Variants in OGFOD3 observed in about 807,000 individuals in gnomAD.
OGFOD3 encodes the protein 2-oxoglutarate and iron-dependent oxygenase domain-containing protein 3.
OGFOD3 carries 35 observed loss-of-function variants against 39.8 expected under a neutral mutation model. The observed-to-expected ratio is 0.88, with a 90% CI of 0.67 to 1.17. OGFOD3 has a LOEUF of 1.17. OGFOD3 is among the 50% of genes most tolerant of loss of function. The pLI is 0.00. For missense variants in OGFOD3, 438 were observed against 454.5 expected (o/e 0.96, Z 0.33); for synonymous variants, 200 against 192.0 (o/e 1.04, Z -0.34).
intron 7 of OGFOD3, among the ~76,000 whole-genome samples, chr17:82,403,241 ACTT>A (rs774776436): frequency 3.3e-5 from 5 of 152,248 alleles, no homozygotes; most frequent in African/African-American, 9.6e-5. Context: ...CGGGTTCTCC[ACTT>A]CTTCTTGTCA....
chr17:82,392,646 C>G lies in OGFOD3; in HGVS notation c.824-112G>C. 7.8e-7 allele frequency: 1 copy of G among 1,287,978 alleles called. No individual in the cohort carries two copies. The highest frequency in any genetic ancestry group is 2.7e-5 in the Admixed American group (1 of 36,760). 79.8% of individuals were successfully genotyped at this position (1,287,978 alleles called of 1,614,324 possible). A position where few individuals can be genotyped will look rare whatever the true frequency, so the allele number is the denominator to read the frequency against. On this transcript the variant is annotated intron_variant, in intron 8 of 8. Transcript: ENST00000313056. The surrounding 1 kb of genome is among the most constrained non-coding windows in gnomAD (Gnocchi z 4.2). ...ACTATAACCAATCAACACAACCAAC[C>G]AGGCAGGCTGGAGAAATTGCCCCTC...
chr17:82,395,689 T>C (rs887227492), intron 8 of OGFOD3, among the ~76,000 whole-genome samples: 4 of 152,206 alleles, frequency 2.6e-5, no homozygotes, highest in East Asian at 1.9e-4. Context: ...GGCGTGGTGG[T>C]AGGCACCTGT....
intron 8 of OGFOD3, among the ~76,000 whole-genome samples, chr17:82,396,389 ACAAT>A (rs1254615662): frequency 6.6e-6 from 1 of 152,158 alleles, no homozygotes; most frequent in African/African-American, 2.4e-5. Context: ...ACAGATACAC[ACAAT>A]CAGACAGATG....
intron 8 of OGFOD3, 94 bp downstream of exon 8, chr17:82,398,102 G>T: frequency 2.0e-6 from 3 of 1,489,394 alleles, no homozygotes; most frequent in South Asian, 1.2e-5. Flanking sequence ...GATGCTCCGT[G>T]AACTCAGCCT....
chr17:82,403,143 G>A (rs1450529595), intron 7 of OGFOD3, among the ~76,000 whole-genome samples: 1 of 152,224 alleles, frequency 6.6e-6, no homozygotes, highest in African/African-American at 2.4e-5. Flanking sequence ...CAGAGAGCAT[G>A]AGTGGCTGAG....
Position 82,392,603 on chromosome 17 carries a change from CG to C in OGFOD3, c.824-70del. 1 of 1,512,846 alleles carries C rather than the reference CG, an allele frequency of 6.6e-7. No individual in the cohort carries two copies. Among genetic ancestry groups the C allele is most frequent in the South Asian group, 1.3e-5 (1 of 79,438 alleles). 93.7% of individuals were successfully genotyped at this position (1,512,846 alleles called of 1,614,324 possible). A position where few individuals can be genotyped will look rare whatever the true frequency, so the allele number is the denominator to read the frequency against. On this transcript the variant is annotated intron_variant, in intron 8 of 8. Transcript: ENST00000313056. The surrounding 1 kb of genome is among the most constrained non-coding windows in gnomAD (Gnocchi z 4.2). ...ACGGCCACAGCCTTCAGAGGGTCTG[CG>C]GTCACCTGAAAGAGCAACTATAACC...
At chr17:82,418,249 T>G (rs984984538) in intron 1 of OGFOD3, 163 bp downstream of exon 1, 92 of 398,440 alleles carry the variant, frequency 2.3e-4, no homozygotes, top group Non-Finnish European at 3.6e-4. Context: ...GCTCCCAGCA[T>G]GGGCTGCGGT....
chr17:82,412,116 A>T (rs2052957599), intron 2 of OGFOD3, among the ~76,000 whole-genome samples: 1 of 148,892 alleles, frequency 6.7e-6, no homozygotes, highest in Admixed American at 6.8e-5. Context: ...GGAGCAGAAA[A>T]CCCTCCTGAG....
intron 7 of OGFOD3, among the ~76,000 whole-genome samples, chr17:82,401,803 CAA>C (rs79956747): frequency 0.35 from 21,625 of 61,230 alleles, 2,736 homozygotes; most frequent in South Asian, 0.44. Context: ...GACTCCATCT[CAA>C]AAAAAAAAAA....
rs2052585464 is a variant in OGFOD3, at chr17:82,390,387, C to G, written c.*2011G>C. On this transcript the variant is annotated 3_prime_UTR_variant, in exon 9 of 9. Coordinates refer to ENST00000313056, the MANE Select transcript of OGFOD3 (RefSeq NM_024648.3). The surrounding 1 kb of genome is among the most constrained non-coding windows in gnomAD (Gnocchi z 4.9). ...GACTTCCCACCCACGATGGGGCCCACCAGCCCGACCCGGAGAGTGTCCGTG... is the reference window on the plus strand; with the variant it reads ...GACTTCCCACCCACGATGGGGCCCAGCAGCCCGACCCGGAGAGTGTCCGTG... 6.6e-6 allele frequency: 1 copy of G among 152,348 alleles called. No homozygotes were observed. The highest frequency in any genetic ancestry group is 2.4e-5 in the African/African-American group (1 of 41,456). 9.4% of individuals were successfully genotyped at this position (152,348 alleles called of 1,614,324 possible).
rs1456117683 is a variant in OGFOD3 at position 82,403,967 on chromosome 17, G to A, written c.669C>T (p.His223=). The change falls in exon 7 of 9, where the codon CAC becomes CAT. Residue 223 remains histidine (H), a synonymous_variant. Coordinates refer to ENST00000313056, the MANE Select transcript of OGFOD3 (RefSeq NM_024648.3). The part of the protein sequence containing the change: ...RINSTEARTA[H]DEYWHAHVDK... ...CCACGTGCGCATGCCAGTACTCGTC[G>A]TGCGCCGTCCGCGCTTCCGTGCTGT... 1.9e-6 allele frequency: 3 copies of A among 1,608,302 alleles called. No homozygotes were observed. Among genetic ancestry groups the A allele is most frequent in the Middle Eastern group, 1.7e-4 (1 of 6,040 alleles).
intron 8 of OGFOD3, among the ~76,000 whole-genome samples, chr17:82,397,537 TGAG>T (rs1280790317): frequency 6.6e-6 from 1 of 152,060 alleles, no homozygotes; most frequent in Non-Finnish European, 1.5e-5. Context: ...GGGCTCCACC[TGAG>T]GAGGCCCCTA....
rs9892212 is a variant in OGFOD3 at position 82,406,829 on chromosome 17, G to C, written c.424-347C>G. The stretch of plus-strand genomic sequence containing the variant: ...ATTACCTAGGCTGGTCTCGAACTCC[G>C]GGGCTCAAGTGATCCTCCCACCTCA... On this transcript the variant is annotated intron_variant, in intron 4 of 8. Coordinates refer to ENST00000313056, the MANE Select transcript of OGFOD3 (RefSeq NM_024648.3). The surrounding 1 kb of genome is among the most constrained non-coding windows in gnomAD (Gnocchi z 5.2). Among the ~76,000 whole-genome samples the C allele has an allele frequency of 6.6e-6, 1 of 151,986 alleles. No individual in the cohort carries two copies. The highest frequency in any genetic ancestry group is 2.4e-5 in the African/African-American group (1 of 41,378).
At chr17:82,416,351 C>T (rs1184813195) in intron 1 of OGFOD3, among the ~76,000 whole-genome samples, 1 of 152,180 alleles carries the variant, frequency 6.6e-6, no homozygotes, top group Non-Finnish European at 1.5e-5. Context: ...ATGGGGTGCC[C>T]TGTGGTGCAG....
chr17:82,394,623 G>T, intron 8 of OGFOD3: 1 of 1,175,652 alleles, frequency 8.5e-7, no homozygotes, highest in Non-Finnish European at 1.2e-6. Context: ...ACCCTCCAGA[G>T]AGAGGCCTGG....
intron 1 of OGFOD3, among the ~76,000 whole-genome samples, chr17:82,416,168 G>A (rs765645220): frequency 2.0e-5 from 3 of 152,198 alleles, no homozygotes; most frequent in Non-Finnish European, 1.5e-5. Flanking sequence ...CCCGGGAGGT[G>A]GAGGTTGCAG....
At chr17:82,394,404 C>G in intron 8 of OGFOD3, 1 of 1,608,736 alleles carries the variant, frequency 6.2e-7, no homozygotes, top group Non-Finnish European at 8.5e-7. Flanking sequence ...CTTCCAGAAT[C>G]GCATGTGTCT....
At chr17:82,395,000 G>A (rs768281569) in intron 8 of OGFOD3, among the ~76,000 whole-genome samples, 4 of 152,166 alleles carry the variant, frequency 2.6e-5, no homozygotes, top group African/African-American at 4.8e-5. Flanking sequence ...CCTGCCCCAC[G>A]GCCTCTCCCC....
At position 82,406,119 on chromosome 17, in the gene OGFOD3, T is replaced by C. The variant is rs1178705455; in HGVS notation, c.488+299A>G. Reference sequence around the variant, plus strand: ...GGAAGCTGCTCCTGGGAGCCTCCCATCTCTGCTGCCTCTTGCTCCCATCCC... The same window carrying C: ...GGAAGCTGCTCCTGGGAGCCTCCCACCTCTGCTGCCTCTTGCTCCCATCCC... On this transcript the variant is annotated intron_variant, in intron 5 of 8. Coordinates refer to ENST00000313056, the MANE Select transcript of OGFOD3 (RefSeq NM_024648.3). The surrounding 1 kb of genome is among the most constrained non-coding windows in gnomAD (Gnocchi z 5.2). Among the ~76,000 whole-genome samples the C allele has an allele frequency of 6.6e-6, 1 of 152,100 alleles. No homozygotes were observed. The highest frequency in any genetic ancestry group is 1.9e-4 in the East Asian group (1 of 5,176).
Sources: gnomAD v4.1 joint callset for allele counts (sites outside exome capture counted in the v4.1 genomes callset) on GRCh38, gnomAD v4.1.1 for gene constraint, Gnocchi (gnomAD v3.1) non-coding constraint, MANE v1.5 for transcripts, NCBI Gene and HGNC (gene_info 2026-07-23, HGNC 2026-07-21) for gene names.